Variants in GGT7 observed in about 807,000 individuals in gnomAD.
GGT7 encodes gamma-glutamyltransferase 7, also known as glutathione hydrolase 7.
A neutral mutation model predicts 69.2 loss-of-function variants in GGT7; 30 were observed. The ratio of observed to expected loss-of-function variants is 0.43; its 90% CI spans 0.32 to 0.59. The LOEUF (loss-of-function observed/expected upper bound fraction) is 0.59, where lower values mean the gene tolerates loss of function less well. Among genes scored for constraint, GGT7 ranks in the 20% least tolerant of loss-of-function variants. The pLI, the probability that GGT7 is intolerant of heterozygous loss-of-function variation, is 0.05. For synonymous variants in GGT7, 388 were observed against 391.8 expected (o/e 0.99, Z 0.12); for missense variants, 733 against 901.1 (o/e 0.81, Z 2.39).
Position 34,861,408 on chromosome 20 carries a change from A to G in GGT7, c.675+37T>C, listed in dbSNP as rs771487412. The G allele has an allele frequency of 7.9e-6, 8 of 1,018,938 alleles. No individual in the cohort carries two copies. In the African/African-American group the frequency reaches 1.1e-4, roughly 14 times the overall value. The allele number at this position is 1,018,938 out of a possible 1,614,324, so 63.1% of individuals were successfully genotyped here. On this transcript the variant is annotated intron_variant, in intron 4 of 14. Coordinates refer to ENST00000336431, the MANE Select transcript of GGT7 (RefSeq NM_178026.3). ...GTTAGCAGAAGGGCAATGAAGAGAG[A>G]CTCCCCTGAACTCTCTCTTCTCACC...
At position 34,871,233 on chromosome 20, in the gene GGT7, C is replaced by T. The variant is rs557620571; in HGVS notation, c.169+1414G>A. ...TACAGAGGGCCAGAAGAAAACATGT[C>T]AGGCAGTTCCAATCTCTAGGTCAAG... is the stretch of plus-strand genomic sequence containing the variant. On this transcript the variant is annotated intron_variant, in intron 1 of 14. Coordinates refer to ENST00000336431, the MANE Select transcript of GGT7 (RefSeq NM_178026.3). Among the ~76,000 whole-genome samples, 3 of 152,286 alleles carry T rather than the reference C, an allele frequency of 2.0e-5. No individual in the cohort carries two copies. The South Asian group carries it at 6.2e-4, about 32-fold the overall frequency.
chr20:34,857,282 T>C (rs1321540641), intron 7 of GGT7, among the ~76,000 whole-genome samples: 2 of 152,224 alleles, frequency 1.3e-5, no homozygotes, highest in Non-Finnish European at 2.9e-5. Flanking sequence ...TTGTACCTGC[T>C]GCTCTCTCTG....
intron 7 of GGT7, among the ~76,000 whole-genome samples, chr20:34,859,126 C>T (rs1259997352): frequency 1.3e-5 from 2 of 151,518 alleles, no homozygotes; most frequent in Non-Finnish European, 2.9e-5. Flanking sequence ...GCCAAGATCG[C>T]ACCACTGCAC....
Position 34,845,463 on chromosome 20 carries a change from G to A in GGT7, c.1854C>T (p.Phe618=). The A allele has an allele frequency of 6.2e-7, 1 of 1,613,992 alleles. No homozygotes were observed. The highest frequency in any genetic ancestry group is 8.5e-7 in the Non-Finnish European group (1 of 1,179,946). Residue 618 remains phenylalanine (F), a synonymous_variant, in exon 15 of 15, where the codon TTC becomes TTT. Transcript: ENST00000336431. Reference sequence around the variant, plus strand: ...CCACGTGGTGACCCCTGGCTTCCAGGAACTCAATCTCTTCCTCTGTGAACT... The same window carrying A: ...CCACGTGGTGACCCCTGGCTTCCAGAAACTCAATCTCTTCCTCTGTGAACT... ...DSEFTEEEIE[F]LEARGHHVEK...
rs373898874 is a variant in GGT7 at position 34,854,660 on chromosome 20, C to T, written c.1231-41G>A. The T allele has an allele frequency of 6.3e-6, 10 of 1,577,744 alleles. No homozygotes were observed. In the African/African-American group the frequency reaches 1.2e-4, roughly 19 times the overall value. On this transcript the variant is annotated intron_variant, in intron 9 of 14. Coordinates refer to ENST00000336431, the MANE Select transcript of GGT7 (RefSeq NM_178026.3). ...GGATATGGAAGAGGCTGCCAGGCCC[C>T]TCCCAGAACCCACACCCAGTGGACT... is the stretch of plus-strand genomic sequence containing the variant.
intron 7 of GGT7, 46 bp downstream of exon 7, chr20:34,859,397 T>G: frequency 6.8e-7 from 1 of 1,461,562 alleles, no homozygotes. Context: ...TGTCCTGCAA[T>G]AGGGACCTTG....
Position 34,863,228 on chromosome 20 carries a change from C to A in GGT7, c.405+85G>T. 9.5e-7 allele frequency: 1 copy of A among 1,056,194 alleles called. No individual in the cohort carries two copies. The allele number at this position is 1,056,194 out of a possible 1,614,324, so 65.4% of individuals were successfully genotyped here. A position where few individuals can be genotyped will look rare whatever the true frequency, so the allele number is the denominator to read the frequency against. On this transcript the variant is annotated intron_variant, in intron 2 of 14. Coordinates refer to ENST00000336431, the MANE Select transcript of GGT7 (RefSeq NM_178026.3). The surrounding 1 kb of genome is among the most constrained non-coding windows in gnomAD (Gnocchi z 4.4). ...CCCTCTCTCCCCTTCTACCACTCAG[C>A]CATTCCCCAGTTTCCACAGTTCCTC...
In GGT7 at chr20:34,872,845, C is replaced by T. The variant is rs2079805430; in HGVS notation, c.-30G>A. The T allele has an allele frequency of 7.6e-7, 1 of 1,320,924 alleles. No homozygotes were observed. Among genetic ancestry groups the T allele is most frequent in the Non-Finnish European group, 9.7e-7 (1 of 1,028,148 alleles). The allele number at this position is 1,320,924 out of a possible 1,614,324, so 81.8% of individuals were successfully genotyped here. On this transcript the variant is annotated 5_prime_UTR_variant, in exon 1 of 15. Coordinates refer to ENST00000336431, the MANE Select transcript of GGT7 (RefSeq NM_178026.3). ...GCCCGCGCCCCCCAGCAGCGCAGCG[C>T]CTGCCGGAAGTGGCTGCGGCGGGGG...
In GGT7 at chr20:34,869,179, A is replaced by T. The variant is rs563854075; in HGVS notation, c.169+3468T>A. On this transcript the variant is annotated intron_variant, in intron 1 of 14. Transcript: ENST00000336431. ...AAATAAATAAATATATATATATATAAAATTTTGAAACAGTGTCTCACTCTG... is the reference window on the plus strand; with the variant it reads ...AAATAAATAAATATATATATATATATAATTTTGAAACAGTGTCTCACTCTG... Among the ~76,000 whole-genome samples the T allele has an allele frequency of 4.1e-3, 618 of 149,400 alleles. 2 individuals carry two copies. Among genetic ancestry groups the T allele is most frequent in the African/African-American group, 0.015 (571 of 39,304 alleles).
intron 14 of GGT7, 57 bp from the exon 15 acceptor site, chr20:34,845,548 G>C: frequency 6.8e-7 from 1 of 1,474,044 alleles, no homozygotes; most frequent in South Asian, 1.2e-5. Context: ...TAGTTCAAGA[G>C]TCCTACAGTC....
At position 34,859,521 on chromosome 20, in the gene GGT7, C is replaced by T; in HGVS notation, c.936G>A (p.Glu312=). The change falls in exon 7 of 15, where the codon GAG becomes GAA. Residue 312 remains glutamate (E), a synonymous_variant. Coordinates refer to ENST00000336431, the MANE Select transcript of GGT7 (RefSeq NM_178026.3). ...CGGAGGTGCCAAGTACATCCAGCAC[C>T]TCAGCCAGGTCGGGCCGATGCAGCA... ...GSLLHRPDLA[E]VLDVLGTSGP... 1 of 1,612,700 alleles carries T rather than the reference C, an allele frequency of 6.2e-7. No individual in the cohort carries two copies. The highest frequency in any genetic ancestry group is 8.5e-7 in the Non-Finnish European group (1 of 1,179,308).
intron 4 of GGT7, among the ~76,000 whole-genome samples, chr20:34,860,975 T>C (rs1298792200): frequency 6.6e-6 from 1 of 152,236 alleles, no homozygotes; most frequent in East Asian, 1.9e-4. Context: ...ACCATTACTC[T>C]GAGCTCTGAA....
intron 12 of GGT7, among the ~76,000 whole-genome samples, chr20:34,851,713 T>C (rs1240180062): frequency 6.6e-6 from 1 of 152,156 alleles, no homozygotes; most frequent in Admixed American, 6.5e-5. Context: ...GGGCCCCAGA[T>C]GGCGGGGTGT....
intron 1 of GGT7, among the ~76,000 whole-genome samples, chr20:34,864,821 G>A (rs1290280555): frequency 1.3e-5 from 2 of 151,984 alleles, no homozygotes; most frequent in African/African-American, 2.4e-5. Flanking sequence ...TACTCGAGAG[G>A]CTATTTTTGT....
At position 34,863,827 on chromosome 20, in the gene GGT7, C is replaced by T. The variant is rs1482139668; in HGVS notation, c.170-279G>A. 4.6e-6 allele frequency: 3 copies of T among 654,882 alleles called. No individual in the cohort carries two copies. The highest frequency in any genetic ancestry group is 8.7e-6 in the Non-Finnish European group (3 of 346,710). 40.6% of individuals were successfully genotyped at this position (654,882 alleles called of 1,614,324 possible). Reference sequence around the variant, plus strand: ...GCCAAATTTCCTGGCACCCAGGGCCCAGGGCTGAGAACACTTCCTGGGGGG... The same window carrying T: ...GCCAAATTTCCTGGCACCCAGGGCCTAGGGCTGAGAACACTTCCTGGGGGG... On this transcript the variant is annotated intron_variant, in intron 1 of 14. Coordinates refer to ENST00000336431, the MANE Select transcript of GGT7 (RefSeq NM_178026.3). This position sits in a 1 kb window ranked among gnomAD's most constrained non-coding sequence, Gnocchi z 4.4.
intron 1 of GGT7, among the ~76,000 whole-genome samples, chr20:34,871,622 G>A (rs1209643886): frequency 6.6e-6 from 1 of 152,244 alleles, no homozygotes; most frequent in Non-Finnish European, 1.5e-5. Context: ...AAGTGTAGAG[G>A]AGGAGAGAAT....
intron 1 of GGT7, among the ~76,000 whole-genome samples, chr20:34,866,620 C>T (rs551723088): frequency 6.6e-6 from 1 of 151,762 alleles, no homozygotes; most frequent in African/African-American, 2.4e-5. Context: ...CACTCTGTCG[C>T]CCAGGCTGGA....
At chr20:34,868,974 A>G (rs982446415) in intron 1 of GGT7, among the ~76,000 whole-genome samples, 1 of 152,140 alleles carries the variant, frequency 6.6e-6, no homozygotes, top group Non-Finnish European at 1.5e-5. Flanking sequence ...CTTTTCAGTT[A>G]TGCTACCCAG....
At chr20:34,861,676 G>T in intron 3 of GGT7, 114 bp from the exon 4 acceptor site, 1 of 603,920 alleles carries the variant, frequency 1.7e-6, no homozygotes, top group South Asian at 5.2e-5. Flanking sequence ...TTTTCATTTG[G>T]GGTCAGGTGT....
Sources: gnomAD v4.1 joint callset for allele counts (sites outside exome capture counted in the v4.1 genomes callset) on GRCh38, gnomAD v4.1.1 for gene constraint, Gnocchi (gnomAD v3.1) non-coding constraint, MANE v1.5 for transcripts, NCBI Gene and HGNC (gene_info 2026-07-23, HGNC 2026-07-21) for gene names.